Variants in ANO4 observed in about 807,000 individuals in gnomAD.
ANO4 encodes the protein anoctamin 4.
In ANO4, 69 loss-of-function variants were observed where a neutral mutation model predicts 141.9. The ratio of observed to expected loss-of-function variants is 0.49; its 90% CI spans 0.40 to 0.59. The LOEUF is 0.59. Ranked by LOEUF, ANO4 falls within the 20% of genes least tolerant of loss-of-function variation. ANO4 has a pLI of 0.00. For synonymous variants in ANO4, 350 were observed against 394.3 expected, an observed-to-expected ratio of 0.89 and a Z score of 1.33; for missense variants, 894 against 1,162.2, an observed-to-expected ratio of 0.77 and a Z score of 3.36.
intron 5 of ANO4, among the ~76,000 whole-genome samples, chr12:100,963,491 T>C (rs2043514566): frequency 6.6e-6 from 1 of 151,312 alleles, no homozygotes; most frequent in South Asian, 2.1e-4. Flanking sequence ...TGTGTGTGTC[T>C]GTGTGTGTGT....
intron 24 of ANO4, 148 bp from the exon 25 acceptor site, chr12:101,116,531 C>T (rs935133152): frequency 2.2e-5 from 24 of 1,112,164 alleles, no homozygotes; most frequent in Middle Eastern, 2.1e-4. Context: ...GGCTTTCCAG[C>T]GTATCCCAAC....
chr12:100,883,276 G>A (rs1482350361), intron 1 of ANO4, among the ~76,000 whole-genome samples: 2 of 152,222 alleles, frequency 1.3e-5, no homozygotes, highest in South Asian at 2.1e-4. Context: ...TGATCTAAGA[G>A]TGAAGTAGGA....
chr12:100,768,221 G>C (rs57289343), intron 3 of ANO4, among the ~76,000 whole-genome samples: 2 of 152,204 alleles, frequency 1.3e-5, no homozygotes, highest in Non-Finnish European at 2.9e-5. Flanking sequence ...GCTAGGGTCC[G>C]TAGCCAAGTT....
intron 3 of ANO4, among the ~76,000 whole-genome samples, chr12:100,927,459 AAC>A (rs1355269681): frequency 6.6e-6 from 1 of 152,084 alleles, no homozygotes; most frequent in Non-Finnish European, 1.5e-5. Context: ...CAAAAAGAAA[AAC>A]ACTGCTTTTT....
At chr12:100,812,305 C>G (rs2035487801) in intron 1 of ANO4, among the ~76,000 whole-genome samples, 1 of 152,092 alleles carries the variant, frequency 6.6e-6, no homozygotes, top group East Asian at 1.9e-4. Context: ...GATGATGGTG[C>G]CTTGTGTTCT....
At chr12:100,869,990 C>T (rs1403966682) in intron 1 of ANO4, among the ~76,000 whole-genome samples, 1 of 152,116 alleles carries the variant, frequency 6.6e-6, no homozygotes, top group Admixed American at 6.6e-5. Context: ...GTGGTTCTAC[C>T]TGTGTTTCTC....
chr12:100,759,071 G>A (rs751480810), intron 3 of ANO4, among the ~76,000 whole-genome samples: 3 of 152,182 alleles, frequency 2.0e-5, no homozygotes, highest in South Asian at 2.1e-4. Context: ...ATTTTGGGAG[G>A]CACTATTTAA....
rs1491584060 is a variant in ANO4 at position 101,080,883 on chromosome 12, T to TATTATATATATA, written c.1395+1608_1395+1609insATTATATATATA. On this transcript the variant is annotated intron_variant, in intron 15 of 27. Coordinates refer to ENST00000392977, the MANE Select transcript of ANO4 (RefSeq NM_001286615.2). ...GGTTCTAGATATATATATATATATA[T>TATTATATATATA]TATATATATATATATATACATACAC... 8.0e-4 allele frequency among the ~76,000 whole-genome samples: 59 copies of TATTATATATATA among 74,092 alleles called. 2 individuals are homozygous for TATTATATATATA. In the South Asian group the frequency reaches 0.017, roughly 21 times the overall value. 48.6% of individuals were successfully genotyped at this position (74,092 alleles called of 152,430 possible).
intron 1 of ANO4, among the ~76,000 whole-genome samples, chr12:100,889,111 ATGAG>A (rs1345302875): frequency 7.1e-6 from 1 of 140,992 alleles, no homozygotes; most frequent in South Asian, 2.2e-4. Flanking sequence ...ATTCTCATCT[ATGAG>A]TGAGAACATG....
intron 6 of ANO4, among the ~76,000 whole-genome samples, chr12:100,971,888 T>C (rs2136275430): frequency 6.6e-6 from 1 of 152,318 alleles, no homozygotes; most frequent in South Asian, 2.1e-4. Flanking sequence ...CTTTTTTTAA[T>C]TTTAAAAAGT....
At chr12:100,878,464 C>T (rs2039418803) in intron 1 of ANO4, among the ~76,000 whole-genome samples, 1 of 152,142 alleles carries the variant, frequency 6.6e-6, no homozygotes, top group African/African-American at 2.4e-5. Context: ...CACTGAGATA[C>T]TAAATGAGGG....
intron 22 of ANO4, among the ~76,000 whole-genome samples, chr12:101,102,897 T>C (rs2050246048): frequency 6.6e-6 from 1 of 151,962 alleles, no homozygotes; most frequent in African/African-American, 2.4e-5. Flanking sequence ...CAATACTTTT[T>C]GTAGATTTTA....
intron 8 of ANO4, 25 bp from the exon 9 acceptor site, chr12:101,020,008 CT>C (rs780681261): frequency 1.3e-6 from 2 of 1,565,276 alleles, no homozygotes; most frequent in Non-Finnish European, 1.8e-6. Context: ...TAATTCTCAA[CT>C]TGTATTTTTA....
At chr12:100,876,140 C>G (rs764259694) in intron 1 of ANO4, among the ~76,000 whole-genome samples, 7 of 151,956 alleles carry the variant, frequency 4.6e-5, no homozygotes, top group South Asian at 2.1e-4. Flanking sequence ...TTTCGCCAGG[C>G]CCTACAAATT....
chr12:100,948,150 C>CAAAAAAAAAAAAAAA (rs58889801), intron 5 of ANO4, among the ~76,000 whole-genome samples: 1 of 83,364 alleles, frequency 1.2e-5, no homozygotes, highest in African/African-American at 5.3e-5. Context: ...GACTTCGTCT[C>CAAAAAAAAAAAAAAA]AAAAAAAAAA....
chr12:100,836,020 G>A (rs1232547772), intron 1 of ANO4, among the ~76,000 whole-genome samples: 1 of 152,130 alleles, frequency 6.6e-6, no homozygotes, highest in Admixed American at 6.6e-5. Flanking sequence ...TATTCATTGG[G>A]TAGAAAATAT....
chr12:100,782,525 C>T (rs779303285), intron 3 of ANO4, among the ~76,000 whole-genome samples: 1 of 152,110 alleles, frequency 6.6e-6, no homozygotes, highest in Admixed American at 6.5e-5. Flanking sequence ...GTCACTTTCT[C>T]TACCTTCTTT....
intron 3 of ANO4, among the ~76,000 whole-genome samples, chr12:100,922,899 A>G (rs749917165): frequency 4.6e-5 from 7 of 152,110 alleles, no homozygotes; most frequent in Non-Finnish European, 8.8e-5. Context: ...TTTTATCAGA[A>G]TCAACACATT....
At chr12:100,931,656 C>A (rs1038292545) in intron 3 of ANO4, among the ~76,000 whole-genome samples, 3 of 152,120 alleles carry the variant, frequency 2.0e-5, no homozygotes, top group Non-Finnish European at 4.4e-5. Flanking sequence ...AACTGTAATT[C>A]CTATCTTTGT....
Sources: gnomAD v4.1 joint callset for allele counts (sites outside exome capture counted in the v4.1 genomes callset) on GRCh38, gnomAD v4.1.1 for gene constraint, MANE v1.5 for transcripts, NCBI Gene and HGNC (gene_info 2026-07-23, HGNC 2026-07-21) for gene names.